FRAS1: variants seen among roughly 807,000 people sequenced by gnomAD.
The protein encoded by FRAS1 is Fraser extracellular matrix complex subunit 1.
In FRAS1, 290 loss-of-function variants were observed where a neutral mutation model predicts 435.2. The ratio of observed to expected loss-of-function variants is 0.67; its 90% CI spans 0.61 to 0.73. FRAS1 has a LOEUF of 0.73. Among genes scored for constraint, FRAS1 ranks in the 30% least tolerant of loss-of-function variants. The pLI is 0.00. For synonymous variants in FRAS1, 1,800 were observed against 1,851.0 expected (o/e 0.97, Z 0.71); for missense variants, 4,860 against 5,001.5 (o/e 0.97, Z 0.85).
At chr4:78,117,904 G>T (rs1468483316) in intron 2 of FRAS1, among the ~76,000 whole-genome samples, 1 of 134,966 alleles carries the variant, frequency 7.4e-6, no homozygotes, top group African/African-American at 2.7e-5. Context: ...AGGAGAGGTT[G>T]TCTGATTTTT....
At position 78,496,798 on chromosome 4, in the gene FRAS1, G is replaced by T. The variant is rs775632477; in HGVS notation, c.8959-7G>T. 3 of 1,609,996 alleles carry T rather than the reference G, an allele frequency of 1.9e-6. No individual in the cohort carries two copies. Among genetic ancestry groups the T allele is most frequent in the Non-Finnish European group, 2.5e-6 (3 of 1,178,464 alleles). ...AATTTTAATCTGTCTTGTGCCATTG[G>T]CTCTAGGTGAAGAACTGTACGGTCT... On this transcript the variant is annotated splice_polypyrimidine_tract_variant and splice_region_variant and intron_variant, in intron 59 of 73. Coordinates refer to ENST00000512123, the MANE Select transcript of FRAS1 (RefSeq NM_025074.7).
chr4:78,103,306 C>T (rs1039501530), intron 2 of FRAS1, among the ~76,000 whole-genome samples: 24 of 152,174 alleles, frequency 1.6e-4, no homozygotes, highest in Admixed American at 1.2e-3. Flanking sequence ...TAAAACATAC[C>T]TGGAATCTCA....
intron 61 of FRAS1, among the ~76,000 whole-genome samples, chr4:78,506,439 A>C (rs1578363526): frequency 6.6e-6 from 1 of 152,136 alleles, no homozygotes; most frequent in Non-Finnish European, 1.5e-5. Context: ...TTGTTTACCT[A>C]CTTAAGCCTC....
intron 24 of FRAS1, among the ~76,000 whole-genome samples, chr4:78,373,365 A>T (rs574722729): frequency 5.9e-5 from 9 of 151,928 alleles, no homozygotes; most frequent in African/African-American, 2.2e-4. Context: ...CATTCCTAGG[A>T]GTATTCCTGG....
chr4:78,443,979 C>T, intron 41 of FRAS1: 1 of 331,370 alleles, frequency 3.0e-6, no homozygotes, highest in East Asian at 8.7e-5. Context: ...CTCCCAAGTA[C>T]CTGGGACTAC....
intron 2 of FRAS1, among the ~76,000 whole-genome samples, chr4:78,196,635 CT>C (rs1722825148): frequency 6.6e-6 from 1 of 151,052 alleles, no homozygotes; most frequent in African/African-American, 2.4e-5. Context: ...GTGTCTCTAA[CT>C]TGATTGTAAT....
intron 9 of FRAS1, among the ~76,000 whole-genome samples, chr4:78,275,215 C>G (rs1726939513): frequency 6.6e-6 from 1 of 152,186 alleles, no homozygotes; most frequent in African/African-American, 2.4e-5. Flanking sequence ...TGTCTCTGCA[C>G]ATGAGATGGG....
At chr4:78,440,260 C>T (rs1266423552) in intron 40 of FRAS1, among the ~76,000 whole-genome samples, 1 of 151,954 alleles carries the variant, frequency 6.6e-6, no homozygotes, top group African/African-American at 2.4e-5. Context: ...TCTCGATCTC[C>T]TGACCTCATG....
At chr4:78,119,151 A>G (rs1275100109) in intron 2 of FRAS1, among the ~76,000 whole-genome samples, 1 of 152,206 alleles carries the variant, frequency 6.6e-6, no homozygotes, top group Non-Finnish European at 1.5e-5. Context: ...CAATTAGAAT[A>G]TCCATCATCT....
intron 2 of FRAS1, among the ~76,000 whole-genome samples, chr4:78,082,767 T>C (rs1000544391): frequency 3.5e-5 from 5 of 141,924 alleles, no homozygotes; most frequent in Non-Finnish European, 7.8e-5. Context: ...AATTGATCCT[T>C]AAAAATTATT....
chr4:78,484,186 T>G (rs1720103365), intron 58 of FRAS1, among the ~76,000 whole-genome samples: 3 of 152,156 alleles, frequency 2.0e-5, no homozygotes, highest in Admixed American at 2.0e-4. Flanking sequence ...CACTAGAAAA[T>G]GCATTTGAGA....
At chr4:78,461,466 A>G (rs935602670) in intron 47 of FRAS1, among the ~76,000 whole-genome samples, 12 of 152,184 alleles carry the variant, frequency 7.9e-5, no homozygotes, top group African/African-American at 7.2e-5. Context: ...TTATAGTGTC[A>G]TGATCTACAA....
At chr4:78,222,424 G>A (rs541447291) in intron 2 of FRAS1, among the ~76,000 whole-genome samples, 26 of 152,286 alleles carry the variant, frequency 1.7e-4, no homozygotes, top group South Asian at 6.2e-4. Flanking sequence ...CTAACCACTA[G>A]TCGGGCTTTG....
At chr4:78,209,066 G>T (rs1723390429) in intron 2 of FRAS1, among the ~76,000 whole-genome samples, 3 of 152,004 alleles carry the variant, frequency 2.0e-5, no homozygotes, top group Non-Finnish European at 2.9e-5. Flanking sequence ...GATTTCTTGA[G>T]CCAGGGAGGT....
At chr4:78,326,316 A>C (rs1402720333) in intron 18 of FRAS1, among the ~76,000 whole-genome samples, 2 of 152,170 alleles carry the variant, frequency 1.3e-5, no homozygotes, top group Non-Finnish European at 2.9e-5. Flanking sequence ...AAATCAACAG[A>C]GCTTAAATGG....
intron 13 of FRAS1, 135 bp downstream of exon 13, chr4:78,284,683 C>A: frequency 1.3e-6 from 1 of 752,922 alleles, no homozygotes; most frequent in Non-Finnish European, 2.1e-6. Context: ...AGATGCACAA[C>A]GTCTAAAAAC....
chr4:78,225,289 G>A (rs1031333450), intron 2 of FRAS1, among the ~76,000 whole-genome samples: 3 of 152,170 alleles, frequency 2.0e-5, no homozygotes, highest in Admixed American at 2.0e-4. Flanking sequence ...TATGGTTCTG[G>A]AATTGTTAAG....
Position 78,245,304 on chromosome 4 carries a change from T to C in FRAS1, c.288T>C (p.His96=). The C allele has an allele frequency of 6.2e-7, 1 of 1,606,246 alleles. No individual in the cohort carries two copies. The change falls in exon 4 of 74, where the codon CAT becomes CAC. Residue 96 remains histidine (H), a synonymous_variant. Coordinates refer to ENST00000512123, the MANE Select transcript of FRAS1 (RefSeq NM_025074.7). ...ECVLRTPGSC[H]HEKKIHEHGT... The stretch of plus-strand genomic sequence containing the variant: ...TTTTGAGGACTCCAGGATCTTGCCA[T>C]CATGAAAAGAAAATCCATGAGGTAA...
intron 38 of FRAS1, 71 bp from the exon 39 acceptor site, chr4:78,438,499 A>G: frequency 1.4e-6 from 2 of 1,478,956 alleles, no homozygotes; most frequent in Admixed American, 3.6e-5. Flanking sequence ...GCACCCATAG[A>G]TCTTTAGCTA....
Sources: allele counts gnomAD v4.1 joint callset (sites outside exome capture counted in the v4.1 genomes callset), GRCh38; gene constraint gnomAD v4.1.1; transcripts MANE v1.5; gene names NCBI Gene and HGNC (gene_info 2026-07-23, HGNC 2026-07-21).